The following MPZL2 variants were observed in gnomAD, a reference collection of about 807,000 sequenced individuals.
MPZL2 encodes the protein myelin protein zero like 2.
Under a neutral mutation model 24.5 loss-of-function variants are expected in MPZL2, and 32 were observed. That is an observed-to-expected ratio of 1.31 (90% CI 0.99 to 1.76). MPZL2 has a LOEUF of 1.76. Among genes scored for constraint, MPZL2 ranks in the 40% most tolerant of loss-of-function variants. The probability of loss-of-function intolerance (pLI) is 0.00; values close to 1 mark genes in which losing one functional copy is unlikely to be tolerated. For synonymous variants in MPZL2, 92 were observed against 97.9 expected (o/e 0.94, Z 0.36); for missense variants, 304 against 274.9 (o/e 1.11, Z -0.75).
Position 118,264,082 on chromosome 11 carries a change from C to G in MPZL2, c.58+14G>C. ...TGAAGGAGGAAACTCTGAGAGAAGCCCGCCGGCTCTTACCTGTGAGCTGTA... is the reference window on the plus strand; with the variant it reads ...TGAAGGAGGAAACTCTGAGAGAAGCGCGCCGGCTCTTACCTGTGAGCTGTA... On this transcript the variant is annotated intron_variant, in intron 1 of 5. Coordinates refer to ENST00000278937, the MANE Select transcript of MPZL2 (RefSeq NM_005797.4). 6.2e-7 allele frequency: 1 copy of G among 1,613,772 alleles called. No individual in the cohort carries two copies. Among genetic ancestry groups the G allele is most frequent in the Non-Finnish European group, 8.5e-7 (1 of 1,179,704 alleles).
intron 5 of MPZL2, among the ~76,000 whole-genome samples, chr11:118,255,679 C>A (rs2853030): frequency 0.57 from 85,977 of 151,420 alleles, 24,852 homozygotes; most frequent in South Asian, 0.74. Flanking sequence ...TGCTTTTTTC[C>A]TATGCTTTTA....
At chr11:118,262,116 T>C (rs1347752811) in intron 3 of MPZL2, among the ~76,000 whole-genome samples, 1 of 152,180 alleles carries the variant, frequency 6.6e-6, no homozygotes, top group African/African-American at 2.4e-5. Context: ...CTCGAATAAA[T>C]GAGTGAGTGA....
intron 5 of MPZL2, 153 bp downstream of exon 5, chr11:118,257,085 A>C (rs1949665402): frequency 2.0e-6 from 1 of 507,032 alleles, no homozygotes; most frequent in Non-Finnish European, 3.5e-6. Context: ...CCATAAGACT[A>C]ATAGAAGACT....
At chr11:118,260,244 G>A (rs777615415) in intron 3 of MPZL2, 43 bp from the exon 4 acceptor site, 2 of 1,587,734 alleles carry the variant, frequency 1.3e-6, no homozygotes, top group Admixed American at 3.5e-5. Flanking sequence ...AAAAAGAAGA[G>A]GACTACAATG....
intron 2 of MPZL2, 95 bp downstream of exon 2, chr11:118,262,836 C>A: frequency 1.4e-6 from 2 of 1,479,614 alleles, no homozygotes; most frequent in Non-Finnish European, 1.8e-6. Context: ...CTTGTGCTTG[C>A]TGCTAAGAAA....
At chr11:118,259,012 TA>T (rs56186946) in intron 4 of MPZL2, among the ~76,000 whole-genome samples, 50 of 131,220 alleles carry the variant, frequency 3.8e-4, no homozygotes, top group Middle Eastern at 3.7e-3. Flanking sequence ...CGGTTATGAT[TA>T]AAAAAAAAAA....
At chr11:118,261,948 T>G (rs943583511) in intron 3 of MPZL2, among the ~76,000 whole-genome samples, 4 of 152,184 alleles carry the variant, frequency 2.6e-5, no homozygotes, top group African/African-American at 9.7e-5. Context: ...TTAAATAAAA[T>G]GTGTCATGTA....
Position 118,262,922 on chromosome 11 carries a change from T to G in MPZL2, c.225+9A>C, listed in dbSNP as rs750774234. ...AGAGTACCCTGGAAAATGATGATAA[T>G]CTACTTACAAACTGCTCAGGTCCCC... On this transcript the variant is annotated intron_variant, in intron 2 of 5. Transcript: ENST00000278937. The G allele has an allele frequency of 6.2e-7, 1 of 1,612,122 alleles. No individual in the cohort carries two copies. Among genetic ancestry groups the G allele is most frequent in the Non-Finnish European group, 8.5e-7 (1 of 1,179,316 alleles).
At chr11:118,257,464 T>G (rs528005775) in intron 4 of MPZL2, 151 bp from the exon 5 acceptor site, 8 of 574,906 alleles carry the variant, frequency 1.4e-5, no homozygotes, top group African/African-American at 5.7e-5. Flanking sequence ...AGAGCTAAAC[T>G]GGTGCCATCT....
intron 4 of MPZL2, among the ~76,000 whole-genome samples, chr11:118,258,797 A>T (rs916255732): frequency 6.6e-6 from 1 of 152,050 alleles, no homozygotes; most frequent in African/African-American, 2.4e-5. Context: ...CAACTCTCTC[A>T]CTTTCTCCTG....
intron 3 of MPZL2, 123 bp from the exon 4 acceptor site, chr11:118,260,324 T>A: frequency 1.0e-6 from 1 of 956,592 alleles, no homozygotes; most frequent in Non-Finnish European, 1.5e-6. Context: ...CCTTTATGCA[T>A]AAAATAATAT....
At chr11:118,257,539 T>C (rs1793148) in intron 4 of MPZL2, 1 of 388,748 alleles carries the variant, frequency 2.6e-6, no homozygotes, top group African/African-American at 2.1e-5. Context: ...ACAGTTTGGG[T>C]TCTGATTCGG....
Position 118,260,065 on chromosome 11 carries a change from C to T in MPZL2, c.573G>A (p.Val191=). ...CTGCCCAGCCTTACGATTTTATCTC[C>T]ACCACTTTATGAGCTCTTTCGGCCC... ...KRWAERAHKV[V]EIKSKEEERL... Residue 191 remains valine, a synonymous_variant, in exon 4 of 6, where the codon GTG becomes GTA. Coordinates refer to ENST00000278937, the MANE Select transcript of MPZL2 (RefSeq NM_005797.4). 3 of 1,613,944 alleles carry T rather than the reference C, an allele frequency of 1.9e-6. No individual in the cohort carries two copies. Among genetic ancestry groups the T allele is most frequent in the Admixed American group, 1.7e-5 (1 of 60,008 alleles).
Position 118,262,616 on chromosome 11 carries a change from G to A in MPZL2, c.258C>T (p.Pro86=). ...CCCGGTCCTTAAACCGCCCACTCAT[G>A]GGTTGGAAGGGATCTATGTGGTAGT... The part of the protein sequence containing the change: ...VFYYHIDPFQ[P]MSGRFKDRVS... Residue 86 remains proline (P), a synonymous_variant, in exon 3 of 6, where the codon CCC becomes CCT. Transcript: ENST00000278937. 1.2e-6 allele frequency: 2 copies of A among 1,614,008 alleles called. No homozygotes were observed. The highest frequency in any genetic ancestry group is 1.1e-5 in the South Asian group (1 of 91,060).
intron 1 of MPZL2, 195 bp from the exon 2 acceptor site, chr11:118,263,292 T>TCCAGGTA (rs1949716646): frequency 1.8e-6 from 1 of 560,508 alleles, no homozygotes; most frequent in Middle Eastern, 4.7e-4. Context: ...CCATTCCATG[T>TCCAGGTA]GACAACTAAA....
At chr11:118,256,951 T>G (rs1418197679) in intron 5 of MPZL2, 3 of 215,210 alleles carry the variant, frequency 1.4e-5, no homozygotes, top group South Asian at 1.8e-4. Context: ...TGAATATTTA[T>G]TAGTAGTAGT....
chr11:118,263,708 CAGT>C (rs1949719653), intron 1 of MPZL2, among the ~76,000 whole-genome samples: 1 of 152,126 alleles, frequency 6.6e-6, no homozygotes, highest in Admixed American at 6.5e-5. Context: ...TTCAAAATCA[CAGT>C]AGGTCTCTCT....
intron 3 of MPZL2, among the ~76,000 whole-genome samples, chr11:118,260,407 G>A (rs997217813): frequency 2.0e-5 from 3 of 152,116 alleles, no homozygotes; most frequent in Admixed American, 6.5e-5. Context: ...TGTGGTCTTC[G>A]AAGTAACAGC....
In MPZL2 at chr11:118,263,014, T is replaced by A; in HGVS notation, c.142A>T (p.Thr48Ser). The change falls in exon 2 of 6, where the codon ACT becomes TCT. Residue 48 changes from threonine (T) to serine (S), a missense_variant. By Grantham distance (58) the Thr-to-Ser change is moderately conservative (BLOSUM62 1). Coordinates refer to ENST00000278937, the MANE Select transcript of MPZL2 (RefSeq NM_005797.4). ...CCCACAGGGGCAAAGCTGGAGAAAGTGCATTTTAACCGAGCATCTGTCCCA... is the reference window on the plus strand; with the variant it reads ...CCCACAGGGGCAAAGCTGGAGAAAGAGCATTTTAACCGAGCATCTGTCCCA... ...VNGTDARLKCTFSSFAPVGDA... is the reference protein window; with the variant it reads ...VNGTDARLKCSFSSFAPVGDA... 1 of 1,614,192 alleles carries A rather than the reference T, an allele frequency of 6.2e-7. No homozygotes were observed. The highest frequency in any genetic ancestry group is 8.5e-7 in the Non-Finnish European group (1 of 1,180,012).
Sources: gnomAD v4.1 joint callset for allele counts (sites outside exome capture counted in the v4.1 genomes callset) on GRCh38, gnomAD v4.1.1 for gene constraint, MANE v1.5 for transcripts, NCBI Gene and HGNC (gene_info 2026-07-23, HGNC 2026-07-21) for gene names.